NTRK3: variants seen among roughly 807,000 people sequenced by gnomAD.
NTRK3 encodes NT-3 growth factor receptor.
NTRK3 carries 24 observed loss-of-function variants against 91.7 expected under a neutral mutation model. That is an observed-to-expected ratio of 0.26 (90% CI 0.19 to 0.37). The LOEUF is 0.37. NTRK3 is among the 10% of genes least tolerant of loss of function. The pLI, the probability that NTRK3 is intolerant of heterozygous loss-of-function variation, is 1.00. For missense variants in NTRK3, 880 were observed against 1,068.9 expected (o/e 0.82, Z 2.46); for synonymous variants, 483 against 404.0 (o/e 1.20, Z -2.34).
At chr15:88,190,645 T>C (rs1361124247) in intron 3 of NTRK3, among the ~76,000 whole-genome samples, 5 of 152,184 alleles carry the variant, frequency 3.3e-5, no homozygotes, top group African/African-American at 1.2e-4. Flanking sequence ...GTGCCCAGTA[T>C]CCTCTGCAGC....
chr15:88,254,706 A>G (rs894573412), intron 3 of NTRK3, among the ~76,000 whole-genome samples: 4 of 152,130 alleles, frequency 2.6e-5, no homozygotes, highest in Non-Finnish European at 5.9e-5. Context: ...TCGAAGGGGT[A>G]AAGAGCCACC....
intron 3 of NTRK3, among the ~76,000 whole-genome samples, chr15:88,221,308 TCC>T (rs2050214336): frequency 1.3e-5 from 2 of 152,218 alleles, no homozygotes; most frequent in Admixed American, 1.3e-4. Flanking sequence ...ACAACTTGAA[TCC>T]TAGCTTTTCT....
chr15:88,213,701 T>C (rs556254793), intron 3 of NTRK3, among the ~76,000 whole-genome samples: 2 of 152,324 alleles, frequency 1.3e-5, no homozygotes, highest in South Asian at 4.1e-4. Context: ...AGGTAAATGC[T>C]AATACTATCA....
chr15:88,231,588 G>A (rs1433820606), intron 3 of NTRK3, among the ~76,000 whole-genome samples: 1 of 152,150 alleles, frequency 6.6e-6, no homozygotes, highest in African/African-American at 2.4e-5. Flanking sequence ...GGTTTCAAAG[G>A]CTGGTGTTTC....
intron 14 of NTRK3, among the ~76,000 whole-genome samples, chr15:87,956,122 T>C (rs1171063641): frequency 6.6e-6 from 1 of 152,160 alleles, no homozygotes; most frequent in Non-Finnish European, 1.5e-5. Context: ...TTTCTTTGTG[T>C]ATAAATGGGA....
At chr15:87,944,502 G>A (rs2070228850) in intron 14 of NTRK3, among the ~76,000 whole-genome samples, 1 of 152,206 alleles carries the variant, frequency 6.6e-6, no homozygotes, top group Non-Finnish European at 1.5e-5. Flanking sequence ...CAGAGGCAGG[G>A]GGTAACTTGC....
chr15:87,906,936 G>C (rs558954505), intron 17 of NTRK3, among the ~76,000 whole-genome samples: 2 of 152,166 alleles, frequency 1.3e-5, no homozygotes, highest in Non-Finnish European at 2.9e-5. Context: ...ACTCACAGTT[G>C]TATCACTGGC....
intron 14 of NTRK3, among the ~76,000 whole-genome samples, chr15:87,954,062 G>GTGTGTGT (rs2071426132): frequency 7.8e-6 from 1 of 128,440 alleles, no homozygotes; most frequent in East Asian, 2.4e-4. Flanking sequence ...GTGTGTGTAT[G>GTGTGTGT]CTTTTTTTCT....
intron 12 of NTRK3, among the ~76,000 whole-genome samples, chr15:88,126,587 G>T (rs866391876): frequency 6.6e-6 from 1 of 152,140 alleles, no homozygotes; most frequent in Non-Finnish European, 1.5e-5. Context: ...ATTAGAGAAA[G>T]TTCCACGATT....
At chr15:88,217,650 AT>A (rs763196084) in intron 3 of NTRK3, among the ~76,000 whole-genome samples, 2 of 152,360 alleles carry the variant, frequency 1.3e-5, no homozygotes, top group East Asian at 3.9e-4. Context: ...GTTTTGCAAG[AT>A]GAAAAGAGTT....
intron 17 of NTRK3, among the ~76,000 whole-genome samples, chr15:87,902,260 T>C (rs542973688): frequency 1.3e-5 from 2 of 152,296 alleles, no homozygotes; most frequent in African/African-American, 4.8e-5. Flanking sequence ...CTGCATAATG[T>C]CCCGTCCCAC....
At chr15:88,045,360 C>A (rs2080079503) in intron 13 of NTRK3, among the ~76,000 whole-genome samples, 1 of 152,178 alleles carries the variant, frequency 6.6e-6, no homozygotes, top group Non-Finnish European at 1.5e-5. Flanking sequence ...CCTTACTTAT[C>A]CCAATTCAAG....
rs188423439 is a variant in NTRK3 at position 88,004,365 on chromosome 15, G to C, written c.1585+28492C>G. On this transcript the variant is annotated intron_variant, in intron 14 of 18. Transcript: ENST00000394480. Reference sequence around the variant, plus strand: ...TGCATGTGCTGTAAACAAGAGGAGAGAGATGATCAGAAAAACGGGCAGATA... The same window carrying C: ...TGCATGTGCTGTAAACAAGAGGAGACAGATGATCAGAAAAACGGGCAGATA... Among the ~76,000 whole-genome samples, 142 of 152,300 alleles carry C rather than the reference G, an allele frequency of 9.3e-4. 1 individual carries two copies. In the Middle Eastern group the frequency reaches 0.01, roughly 11 times the overall value.
chr15:87,906,697 G>T (rs184634267), intron 17 of NTRK3, among the ~76,000 whole-genome samples: 1 of 151,980 alleles, frequency 6.6e-6, no homozygotes, highest in African/African-American at 2.4e-5. Context: ...AAAATATTTC[G>T]TATTCTTTAA....
chr15:87,910,773 T>C (rs747037260), intron 17 of NTRK3, among the ~76,000 whole-genome samples: 16 of 152,132 alleles, frequency 1.1e-4, no homozygotes, highest in Non-Finnish European at 1.9e-4. Context: ...AACTGAGGCA[T>C]TCAACAAGAA....
At chr15:88,176,003 C>T (rs12148100) in intron 5 of NTRK3, among the ~76,000 whole-genome samples, 21,868 of 152,080 alleles carry the variant, frequency 0.14, 1,991 homozygotes, top group East Asian at 0.21. Flanking sequence ...CTCAAAGAGG[C>T]GACCTACCTT....
At chr15:87,940,086 C>T (rs1360855224) in intron 15 of NTRK3, among the ~76,000 whole-genome samples, 1 of 152,162 alleles carries the variant, frequency 6.6e-6, no homozygotes, top group East Asian at 1.9e-4. Context: ...TGGGAAGTAC[C>T]TAAGAATTTC....
intron 5 of NTRK3, among the ~76,000 whole-genome samples, chr15:88,147,943 T>A (rs749552079): frequency 6.6e-6 from 1 of 152,158 alleles, no homozygotes; most frequent in African/African-American, 2.4e-5. Context: ...CTCATTAGGA[T>A]GTACAGGGGA....
intron 3 of NTRK3, among the ~76,000 whole-genome samples, chr15:88,227,087 T>C (rs770746475): frequency 4.6e-5 from 7 of 152,208 alleles, no homozygotes; most frequent in Admixed American, 1.3e-4. Flanking sequence ...AGATGAACGA[T>C]GGTGCCCCAG....
Sources: allele counts gnomAD v4.1 joint callset (sites outside exome capture counted in the v4.1 genomes callset), GRCh38; gene constraint gnomAD v4.1.1; transcripts MANE v1.5; gene names NCBI Gene and HGNC (gene_info 2026-07-23, HGNC 2026-07-21).